KIF6: variants seen among roughly 807,000 people sequenced by gnomAD.
The protein encoded by KIF6 is kinesin-like protein KIF6.
A neutral mutation model predicts 112.7 loss-of-function variants in KIF6; 106 were observed. The ratio of observed to expected loss-of-function variants is 0.94; its 90% CI spans 0.80 to 1.11. The LOEUF is 1.11. KIF6 is among the 50% of genes least tolerant of loss of function. The probability of loss-of-function intolerance (pLI) is 0.00; values close to 1 mark genes in which losing one functional copy is unlikely to be tolerated. For missense variants in KIF6, 929 were observed against 964.0 expected (o/e 0.96, Z 0.48); for synonymous variants, 339 against 339.9 (o/e 1.00, Z 0.03).
rs1762915221 is a variant in KIF6 at position 39,336,485 on chromosome 6, G to A, written c.*47C>T. 2 of 1,597,656 alleles carry A rather than the reference G, an allele frequency of 1.3e-6. No individual in the cohort carries two copies. Among genetic ancestry groups the A allele is most frequent in the African/African-American group, 2.7e-5 (2 of 74,736 alleles). On this transcript the variant is annotated 3_prime_UTR_variant, in exon 23 of 23. Transcript: ENST00000287152. ...AGTGAGGGGCGCTGCCTTCATCTGT[G>A]CTTCATTCTTGCTGGCATAATTCAT...
intron 6 of KIF6, among the ~76,000 whole-genome samples, chr6:39,604,001 C>A (rs1475017148): frequency 6.6e-6 from 1 of 152,072 alleles, no homozygotes; most frequent in Non-Finnish European, 1.5e-5. Context: ...CATTATAAAG[C>A]ATATGCCTGA....
At chr6:39,631,987 TG>T (rs1475384196) in intron 5 of KIF6, among the ~76,000 whole-genome samples, 1 of 152,192 alleles carries the variant, frequency 6.6e-6, no homozygotes, top group East Asian at 1.9e-4. Context: ...TGGTTAAGTT[TG>T]GTTTAATCAC....
chr6:39,547,390 A>T (rs536481907), intron 10 of KIF6, among the ~76,000 whole-genome samples: 77 of 152,314 alleles, frequency 5.1e-4, no homozygotes, highest in Non-Finnish European at 9.8e-4. Context: ...TTCCTTTTGG[A>T]TTAGAGCTTC....
intron 16 of KIF6, among the ~76,000 whole-genome samples, chr6:39,368,777 A>T (rs1765754707): frequency 6.6e-6 from 1 of 152,348 alleles, no homozygotes; most frequent in Middle Eastern, 3.4e-3. Flanking sequence ...ATCCTAAAGA[A>T]GATGATGTTG....
At chr6:39,609,139 T>A (rs1279516931) in intron 6 of KIF6, among the ~76,000 whole-genome samples, 1 of 152,160 alleles carries the variant, frequency 6.6e-6, no homozygotes, top group Non-Finnish European at 1.5e-5. Flanking sequence ...CCAAAGCTCA[T>A]GCTCTTCAGC....
At chr6:39,526,631 T>C (rs1777748551) in intron 13 of KIF6, among the ~76,000 whole-genome samples, 1 of 152,212 alleles carries the variant, frequency 6.6e-6, no homozygotes, top group Non-Finnish European at 1.5e-5. Context: ...CTTTATCAGG[T>C]ATCATTTATT....
chr6:39,425,230 G>A (rs1394740861), intron 14 of KIF6, among the ~76,000 whole-genome samples: 1 of 152,108 alleles, frequency 6.6e-6, no homozygotes, highest in Non-Finnish European at 1.5e-5. Context: ...GAGGGCAAAG[G>A]GTTCCTACAA....
chr6:39,717,367 T>G (rs1363713216), intron 2 of KIF6, among the ~76,000 whole-genome samples: 6 of 152,126 alleles, frequency 3.9e-5, no homozygotes. Context: ...CCGGGCGTTC[T>G]CCCCATTAGG....
Position 39,634,855 on chromosome 6 carries a change from T to G in KIF6, c.503A>C (p.Asp168Ala), listed in dbSNP as rs1394122354. 1.9e-6 allele frequency: 3 copies of G among 1,590,132 alleles called. No individual in the cohort carries two copies. The highest frequency in any genetic ancestry group is 2.6e-6 in the Non-Finnish European group (3 of 1,158,578). ...DPRHEASSLEDLPKVTILEDP... is the reference protein window; with the variant it reads ...DPRHEASSLEALPKVTILEDP... ...TTGTTGTTCTGCTACTCACGGCAAA[T>G]CTTCCAAACTGGAGGCTTCATGTCT... is the stretch of plus-strand genomic sequence containing the variant. Residue 168 changes from aspartate to alanine, a missense_variant, in exon 5 of 23, where the codon GAT (aspartate) becomes GCT (alanine). Physicochemically the swap from Asp to Ala is moderately radical, Grantham distance 126 (BLOSUM62 -2). Coordinates refer to ENST00000287152, the MANE Select transcript of KIF6 (RefSeq NM_145027.6).
At chr6:39,540,335 C>G (rs1430390012) in intron 12 of KIF6, 114 bp from the exon 13 acceptor site, 2 of 714,916 alleles carry the variant, frequency 2.8e-6, no homozygotes, top group East Asian at 2.6e-5. Flanking sequence ...GTGGTAAAGA[C>G]TGAAGGAAGG....
intron 13 of KIF6, among the ~76,000 whole-genome samples, chr6:39,528,151 C>T (rs571887988): frequency 1.3e-5 from 2 of 152,278 alleles, no homozygotes; most frequent in South Asian, 4.1e-4. Flanking sequence ...AACCACCATT[C>T]TACTCTCTGC....
At chr6:39,619,478 T>C (rs535010579) in intron 5 of KIF6, among the ~76,000 whole-genome samples, 2 of 152,278 alleles carry the variant, frequency 1.3e-5, no homozygotes, top group East Asian at 3.9e-4. Context: ...AAATAACCAA[T>C]GGATAAAGTC....
chr6:39,354,813 G>A (rs1243757086), intron 19 of KIF6, among the ~76,000 whole-genome samples: 1 of 152,178 alleles, frequency 6.6e-6, no homozygotes, highest in East Asian at 1.9e-4. Context: ...CTACTGCCTT[G>A]TTTTAGTTTG....
intron 3 of KIF6, among the ~76,000 whole-genome samples, chr6:39,709,392 T>C (rs1789404197): frequency 6.6e-6 from 1 of 152,192 alleles, no homozygotes. Flanking sequence ...ATTGCTCGCA[T>C]GCACAGTTCA....
intron 3 of KIF6, among the ~76,000 whole-genome samples, chr6:39,672,252 G>A (rs183971037): frequency 3.5e-4 from 54 of 152,262 alleles, no homozygotes; most frequent in Non-Finnish European, 1.8e-4. Context: ...AAAGTGCTGG[G>A]ATTACAGGCA....
intron 5 of KIF6, among the ~76,000 whole-genome samples, chr6:39,617,503 T>C (rs1783581637): frequency 6.6e-6 from 1 of 152,178 alleles, no homozygotes; most frequent in Non-Finnish European, 1.5e-5. Context: ...GCCATGGTGA[T>C]TTCTATTTTT....
chr6:39,494,143 T>G (rs1775635858), intron 13 of KIF6, among the ~76,000 whole-genome samples: 1 of 152,240 alleles, frequency 6.6e-6, no homozygotes, highest in South Asian at 2.1e-4. Context: ...TAATGTTTAT[T>G]ACTGACTTGA....
At chr6:39,537,536 A>G (rs913233995) in intron 13 of KIF6, among the ~76,000 whole-genome samples, 1 of 151,904 alleles carries the variant, frequency 6.6e-6, no homozygotes, top group Non-Finnish European at 1.5e-5. Flanking sequence ...TTCAAGGAGA[A>G]CTACAAACCA....
intron 5 of KIF6, among the ~76,000 whole-genome samples, chr6:39,619,449 C>T (rs1283314637): frequency 2.0e-5 from 3 of 152,138 alleles, no homozygotes; most frequent in Non-Finnish European, 4.4e-5. Flanking sequence ...TATTCCCTGT[C>T]TGAAGAGGAA....
Sources: allele counts gnomAD v4.1 joint callset (sites outside exome capture counted in the v4.1 genomes callset), GRCh38; gene constraint gnomAD v4.1.1; transcripts MANE v1.5; gene names NCBI Gene and HGNC (gene_info 2026-07-23, HGNC 2026-07-21).